The following TACR1 variants were observed in gnomAD, a reference collection of about 807,000 sequenced individuals.
TACR1 encodes tachykinin receptor 1, also known as substance-P receptor.
In TACR1, 25 loss-of-function variants were observed where a neutral mutation model predicts 35.8. That is an observed-to-expected ratio of 0.70 (90% CI 0.51 to 0.98). The LOEUF (loss-of-function observed/expected upper bound fraction) is 0.98. Among genes scored for constraint, TACR1 ranks in the 50% least tolerant of loss-of-function variants. The pLI is 0.00. For missense variants in TACR1, 478 were observed against 522.9 expected (o/e 0.91, Z 0.84); for synonymous variants, 195 against 206.7 (o/e 0.94, Z 0.48).
Position 75,115,906 on chromosome 2 carries a change from C to CAAAAA in TACR1, c.584+4663_584+4667dup, listed in dbSNP as rs1158476632. ...TGGGCGACAGAGCGAGACTCCGTCT[C>CAAAAA]AAAAAAAAAAAAAAAAAAAAAAGAG... On this transcript the variant is annotated intron_variant, in intron 2 of 4. Transcript: ENST00000305249. Among the ~76,000 whole-genome samples the CAAAAA allele has an allele frequency of 6.8e-3, 367 of 54,238 alleles. 34 individuals carry two copies. The highest frequency in any genetic ancestry group is 0.016 in the African/African-American group (184 of 11,586). The allele number at this position is 54,238 out of a possible 152,430, so 35.6% of individuals were successfully genotyped here.
chr2:75,149,520 T>A (rs986930768), intron 1 of TACR1, among the ~76,000 whole-genome samples: 1 of 152,176 alleles, frequency 6.6e-6, no homozygotes, highest in Non-Finnish European at 1.5e-5. Flanking sequence ...GGGAGTTCAC[T>A]CATGATTTGG....
chr2:75,195,593 A>G lies in TACR1; in HGVS notation c.389+2953T>C, dbSNP rs955484016. 5.3e-5 allele frequency among the ~76,000 whole-genome samples: 8 copies of G among 152,374 alleles called. No individual in the cohort carries two copies. In the East Asian group the frequency reaches 1.3e-3, roughly 26 times the overall value. The stretch of plus-strand genomic sequence containing the variant: ...ACAATTCCTTTAAAAATCCTTTAAA[A>G]TGAGAAGATATAGCTTTTTAAAAAT... On this transcript the variant is annotated intron_variant, in intron 1 of 4. Coordinates refer to ENST00000305249, the MANE Select transcript of TACR1 (RefSeq NM_001058.4).
chr2:75,113,037 A>G (rs934873492), intron 2 of TACR1, among the ~76,000 whole-genome samples: 1 of 152,156 alleles, frequency 6.6e-6, no homozygotes, highest in Non-Finnish European at 1.5e-5. Context: ...CAAGATTTCC[A>G]TATTGTTCTG....
chr2:75,170,485 G>C (rs1675251072), intron 1 of TACR1, among the ~76,000 whole-genome samples: 1 of 152,166 alleles, frequency 6.6e-6, no homozygotes, highest in African/African-American at 2.4e-5. Flanking sequence ...GGTAGAGTGG[G>C]GTGCTGCTGT....
At position 75,185,985 on chromosome 2, in the gene TACR1, T is replaced by C. The variant is rs547748043; in HGVS notation, c.389+12561A>G. 2.6e-5 allele frequency among the ~76,000 whole-genome samples: 4 copies of C among 152,296 alleles called. No homozygotes were observed. In the East Asian group the frequency reaches 7.7e-4, roughly 29 times the overall value. ...AACCACTTGGCATGATCTTATAGAA[T>C]AAAGTTTATTACATAAAATATATCT... On this transcript the variant is annotated intron_variant, in intron 1 of 4. Transcript: ENST00000305249.
chr2:75,074,118 A>G (rs1672933463), intron 2 of TACR1, among the ~76,000 whole-genome samples: 1 of 152,180 alleles, frequency 6.6e-6, no homozygotes, highest in Non-Finnish European at 1.5e-5. Flanking sequence ...ATGTAATACT[A>G]TTTACGAAAT....
At chr2:75,123,488 G>A (rs1027577713) in intron 1 of TACR1, among the ~76,000 whole-genome samples, 2 of 152,130 alleles carry the variant, frequency 1.3e-5, no homozygotes, top group Non-Finnish European at 2.9e-5. Context: ...GTGGCAGAAA[G>A]CCATATTTTA....
intron 2 of TACR1, among the ~76,000 whole-genome samples, chr2:75,094,409 G>A (rs1218792301): frequency 6.6e-6 from 1 of 152,120 alleles, no homozygotes; most frequent in Non-Finnish European, 1.5e-5. Flanking sequence ...ACTAGGAGGG[G>A]TATTCACTGT....
chr2:75,054,338 C>T (rs1672532199), intron 2 of TACR1, among the ~76,000 whole-genome samples: 1 of 152,108 alleles, frequency 6.6e-6, no homozygotes, highest in Non-Finnish European at 1.5e-5. Flanking sequence ...GAATAATTAG[C>T]CTGAATGAGA....
chr2:75,115,506 G>A (rs1673834953), intron 2 of TACR1, among the ~76,000 whole-genome samples: 1 of 152,134 alleles, frequency 6.6e-6, no homozygotes, highest in South Asian at 2.1e-4. Context: ...TAAATGTTAT[G>A]CATGGTGGCA....
At chr2:75,172,377 C>G (rs1675307481) in intron 1 of TACR1, among the ~76,000 whole-genome samples, 1 of 152,130 alleles carries the variant, frequency 6.6e-6, no homozygotes, top group African/African-American at 2.4e-5. Flanking sequence ...TTTGCAAATG[C>G]CTGTTTCTCT....
intron 1 of TACR1, among the ~76,000 whole-genome samples, chr2:75,172,692 T>C (rs1017974317): frequency 6.6e-6 from 1 of 152,154 alleles, no homozygotes; most frequent in African/African-American, 2.4e-5. Context: ...TGCCCCAGCA[T>C]CTGCAATACC....
At chr2:75,131,779 G>A (rs1329633384) in intron 1 of TACR1, among the ~76,000 whole-genome samples, 1 of 152,138 alleles carries the variant, frequency 6.6e-6, no homozygotes, top group Non-Finnish European at 1.5e-5. Context: ...TATTTTAAAA[G>A]TGTTTGAGCC....
chr2:75,051,053 A>C (rs1672454256), intron 4 of TACR1, 198 bp downstream of exon 4: 2 of 650,010 alleles, frequency 3.1e-6, no homozygotes, highest in Admixed American at 5.9e-5. Flanking sequence ...GAAAAAAAGA[A>C]AATCAGTCCA....
At chr2:75,137,749 A>G (rs898343104) in intron 1 of TACR1, among the ~76,000 whole-genome samples, 2,061 of 150,630 alleles carry the variant, frequency 0.014, 34 homozygotes, top group Non-Finnish European at 0.024. Context: ...AAAAAAAAAA[A>G]AAAAAAAGAA....
At position 75,120,801 on chromosome 2, in the gene TACR1, C is replaced by A. The variant is rs567842935; in HGVS notation, c.390-33G>T. 5 of 1,529,068 alleles carry A rather than the reference C, an allele frequency of 3.3e-6. No individual in the cohort carries two copies. In the Admixed American group the frequency reaches 7.9e-5, roughly 24 times the overall value. The allele number at this position is 1,529,068 out of a possible 1,614,324, so 94.7% of individuals were successfully genotyped here. A position where few individuals can be genotyped will look rare whatever the true frequency, so the allele number is the denominator to read the frequency against. ...AGAGAAGAAAGAACAAAGTTCTGATCTGGTCACCAAAATCTGTATCAGAGA... is the reference window on the plus strand; with the variant it reads ...AGAGAAGAAAGAACAAAGTTCTGATATGGTCACCAAAATCTGTATCAGAGA... On this transcript the variant is annotated intron_variant, in intron 1 of 4. Coordinates refer to ENST00000305249, the MANE Select transcript of TACR1 (RefSeq NM_001058.4).
intron 2 of TACR1, among the ~76,000 whole-genome samples, chr2:75,085,677 T>C (rs1673175818): frequency 6.6e-6 from 1 of 152,196 alleles, no homozygotes; most frequent in Non-Finnish European, 1.5e-5. Flanking sequence ...CTGAGCAATG[T>C]CTGGGAGATA....
intron 1 of TACR1, among the ~76,000 whole-genome samples, chr2:75,182,230 C>T (rs961866204): frequency 1.3e-5 from 2 of 152,180 alleles, no homozygotes; most frequent in African/African-American, 2.4e-5. Flanking sequence ...CAGGAAGAGA[C>T]GCTCAACCTA....
chr2:75,177,163 C>T lies in TACR1; in HGVS notation c.389+21383G>A, dbSNP rs183802852. 2.6e-5 allele frequency among the ~76,000 whole-genome samples: 4 copies of T among 151,904 alleles called. No homozygotes were observed. The East Asian group carries it at 7.8e-4, about 30-fold the overall frequency. The stretch of plus-strand genomic sequence containing the variant: ...CTCTGTCTTTCTCTTTCAGACCCCA[C>T]CCCCTCTGAAGCACTTGACTACACC... On this transcript the variant is annotated intron_variant, in intron 1 of 4. Coordinates refer to ENST00000305249, the MANE Select transcript of TACR1 (RefSeq NM_001058.4).
Sources: allele counts gnomAD v4.1 joint callset (sites outside exome capture counted in the v4.1 genomes callset), GRCh38; gene constraint gnomAD v4.1.1; transcripts MANE v1.5; gene names NCBI Gene and HGNC (gene_info 2026-07-23, HGNC 2026-07-21).